RALGPS2: variants seen among roughly 807,000 people sequenced by gnomAD.
RALGPS2 encodes the protein ras-specific guanine nucleotide-releasing factor RalGPS2.
A neutral mutation model predicts 86.8 loss-of-function variants in RALGPS2; 43 were observed. The observed-to-expected ratio is 0.50, with a 90% CI of 0.39 to 0.64. RALGPS2 has a LOEUF of 0.64. Among genes scored for constraint, RALGPS2 ranks in the 30% least tolerant of loss-of-function variants. The pLI, the probability that RALGPS2 is intolerant of heterozygous loss-of-function variation, is 0.00. For missense variants in RALGPS2, 536 were observed against 694.6 expected (o/e 0.77, Z 2.57); for synonymous variants, 243 against 231.3 (o/e 1.05, Z -0.46).
chr1:178,754,656 C>T (rs547814011), intron 1 of RALGPS2, among the ~76,000 whole-genome samples: 1 of 152,324 alleles, frequency 6.6e-6, no homozygotes, highest in South Asian at 2.1e-4. Flanking sequence ...TTATCTCATC[C>T]AGAAATACCC....
At chr1:178,905,982 A>G (rs981340940) in intron 18 of RALGPS2, among the ~76,000 whole-genome samples, 7 of 152,224 alleles carry the variant, frequency 4.6e-5, no homozygotes, top group African/African-American at 1.4e-4. Context: ...TAGTCTATCA[A>G]TGTTATATGA....
intron 4 of RALGPS2, among the ~76,000 whole-genome samples, chr1:178,797,089 C>T (rs977305504): frequency 6.6e-6 from 1 of 152,140 alleles, no homozygotes; most frequent in Non-Finnish European, 1.5e-5. Flanking sequence ...ATTCCTAAGT[C>T]ATACCCTTGA....
intron 4 of RALGPS2, among the ~76,000 whole-genome samples, chr1:178,787,528 G>C (rs1653715121): frequency 6.6e-6 from 1 of 152,008 alleles, no homozygotes; most frequent in Admixed American, 6.6e-5. Context: ...ATCTTTATTT[G>C]GAGTAGCTAT....
chr1:178,853,574 G>T, intron 8 of RALGPS2: 4 of 1,557,718 alleles, frequency 2.6e-6, no homozygotes, highest in Admixed American at 2.0e-5. Context: ...ACTTCCCTTA[G>T]GTCTGCATCA....
chr1:178,744,673 G>A lies in RALGPS2; in HGVS notation c.-84+19254G>A, dbSNP rs113441770. On this transcript the variant is annotated intron_variant, in intron 1 of 19. Transcript: ENST00000367635. ...TACTAATAATACAAAAAAAATTAGC[G>A]CGGCATGGTGGCAGCTGCCTGTAAT... is the stretch of plus-strand genomic sequence containing the variant. 9.3e-3 allele frequency among the ~76,000 whole-genome samples: 1,413 copies of A among 151,778 alleles called. 11 individuals are homozygous for A. The highest frequency in any genetic ancestry group is 0.028 in the South Asian group (134 of 4,794).
chr1:178,889,969 C>T (rs1175441584), intron 14 of RALGPS2, among the ~76,000 whole-genome samples: 1 of 151,856 alleles, frequency 6.6e-6, no homozygotes, highest in African/African-American at 2.4e-5. Context: ...AACCGATCAT[C>T]GACAAGTAAC....
At chr1:178,821,073 A>G (rs749762647) in intron 6 of RALGPS2, among the ~76,000 whole-genome samples, 5 of 152,234 alleles carry the variant, frequency 3.3e-5, no homozygotes, top group East Asian at 3.8e-4. Context: ...TGTAAAATCA[A>G]TGTCTCAGCA....
intron 9 of RALGPS2, among the ~76,000 whole-genome samples, 163 bp from the exon 10 acceptor site, chr1:178,878,739 T>G (rs1659103219): frequency 1.3e-5 from 2 of 152,190 alleles, no homozygotes; most frequent in African/African-American, 4.8e-5. Context: ...CTAAATTACC[T>G]TCAGATTCAC....
chr1:178,738,701 A>C (rs556380155), intron 1 of RALGPS2, among the ~76,000 whole-genome samples: 2 of 152,334 alleles, frequency 1.3e-5, no homozygotes, highest in South Asian at 2.1e-4. Flanking sequence ...AGTCTGTATG[A>C]ATCTGGGCAA....
chr1:178,747,961 A>G (rs1342609645), intron 1 of RALGPS2, among the ~76,000 whole-genome samples: 2 of 152,254 alleles, frequency 1.3e-5, no homozygotes, highest in Non-Finnish European at 2.9e-5. Context: ...AGAACTCTAT[A>G]CTTTGCTTTT....
chr1:178,740,635 G>GA (rs1650967308), intron 1 of RALGPS2, among the ~76,000 whole-genome samples: 1 of 152,210 alleles, frequency 6.6e-6, no homozygotes. Context: ...CATGTGTGCT[G>GA]AGAGAAGTGC....
rs1043580784 is a variant in RALGPS2, at chr1:178,877,372, T to G, written c.608-126T>G. The G allele has an allele frequency of 1.4e-5, 19 of 1,378,120 alleles. No individual in the cohort carries two copies. In the Admixed American group the frequency reaches 5.1e-4, roughly 37 times the overall value. The allele number at this position is 1,378,120 out of a possible 1,614,324, so 85.4% of individuals were successfully genotyped here. A position where few individuals can be genotyped will look rare whatever the true frequency, so the allele number is the denominator to read the frequency against. On this transcript the variant is annotated intron_variant, in intron 8 of 19. Coordinates refer to ENST00000367635, the MANE Select transcript of RALGPS2 (RefSeq NM_152663.5). Reference sequence around the variant, plus strand: ...TGTTACCCAGGCTTCAGTGTATTAATAGCAATATATTTTAAATGTAGCGTA... The same window carrying G: ...TGTTACCCAGGCTTCAGTGTATTAAGAGCAATATATTTTAAATGTAGCGTA...
intron 4 of RALGPS2, among the ~76,000 whole-genome samples, chr1:178,787,162 A>T (rs536727264): frequency 5.3e-5 from 8 of 152,250 alleles, no homozygotes; most frequent in African/African-American, 1.9e-4. Flanking sequence ...GAAAAAAAAA[A>T]TCAAAAAAAT....
intron 1 of RALGPS2, among the ~76,000 whole-genome samples, chr1:178,748,311 C>G (rs1424478804): frequency 1.4e-5 from 2 of 148,112 alleles, no homozygotes; most frequent in Non-Finnish European, 3.0e-5. Context: ...CAGAGTGAGA[C>G]TCCGTCTCAA....
chr1:178,857,147 A>G (rs10913634), intron 8 of RALGPS2, among the ~76,000 whole-genome samples: 71,354 of 152,034 alleles, frequency 0.47, 18,153 homozygotes, highest in African/African-American at 0.66. Flanking sequence ...AAGGAAAAGT[A>G]AATTATGACT....
intron 19 of RALGPS2, among the ~76,000 whole-genome samples, chr1:178,908,535 T>A (rs889095466): frequency 2.0e-5 from 3 of 152,208 alleles, no homozygotes; most frequent in African/African-American, 7.2e-5. Context: ...GAACTTACAT[T>A]CCTACCAAGT....
intron 17 of RALGPS2, among the ~76,000 whole-genome samples, chr1:178,900,809 T>C (rs185997648): frequency 6.6e-6 from 1 of 152,134 alleles, no homozygotes; most frequent in Admixed American, 6.6e-5. Context: ...GATGATTATA[T>C]CTGGGGAATG....
In RALGPS2 at chr1:178,892,249, C is replaced by G. The variant is rs571686108; in HGVS notation, c.1267C>G (p.Leu423Val). 3 of 1,612,628 alleles carry G rather than the reference C, an allele frequency of 1.9e-6. No individual in the cohort carries two copies. In the African/African-American group the frequency reaches 4.0e-5, roughly 22 times the overall value. The stretch of plus-strand genomic sequence containing the variant: ...CAACAGGAACAGATTATACCATTCT[C>G]TCGGCCCGGTGACAAGAGTGGCACG... ...AFERNRLYHS[L>V]GPVTRVARNG... is the part of the protein sequence containing the mutation. Residue 423 changes from leucine to valine, a missense_variant, in exon 15 of 20, where the codon CTC (leucine) becomes GTC (valine). By Grantham distance (32) the Leu-to-Val change is conservative. Coordinates refer to ENST00000367635, the MANE Select transcript of RALGPS2 (RefSeq NM_152663.5).
intron 8 of RALGPS2, among the ~76,000 whole-genome samples, chr1:178,839,318 C>T (rs1397189322): frequency 6.6e-6 from 1 of 152,214 alleles, no homozygotes; most frequent in African/African-American, 2.4e-5. Context: ...GATCTCTCTG[C>T]AGAAACTCTA....
Sources: gnomAD v4.1 joint callset for allele counts (sites outside exome capture counted in the v4.1 genomes callset) on GRCh38, gnomAD v4.1.1 for gene constraint, MANE v1.5 for transcripts, NCBI Gene and HGNC (gene_info 2026-07-23, HGNC 2026-07-21) for gene names.